MUC12: variants seen among roughly 807,000 people sequenced by gnomAD.
The protein encoded by MUC12 is mucin 12, cell surface associated, also known as mucin-12.
A neutral mutation model predicts 230.8 loss-of-function variants in MUC12; 172 were observed. The ratio of observed to expected loss-of-function variants is 0.75; its 90% CI spans 0.66 to 0.85. The LOEUF (loss-of-function observed/expected upper bound fraction) is 0.85, where lower values mean the gene tolerates loss of function less well. Ranked by LOEUF, MUC12 falls within the 40% of genes least tolerant of loss-of-function variation. The probability of loss-of-function intolerance (pLI) is 0.00; values close to 1 mark genes in which losing one functional copy is unlikely to be tolerated. For synonymous variants in MUC12, 1,259 were observed against 2,401.9 expected, an observed-to-expected ratio of 0.52 and a Z score of 13.91; for missense variants, 3,506 against 5,920.6, an observed-to-expected ratio of 0.59 and a Z score of 13.38.
At chr7:100,981,910 A>G (rs1248409404) in intron 1 of MUC12, among the ~76,000 whole-genome samples, 1 of 136,516 alleles carries the variant, frequency 7.3e-6, no homozygotes, top group Non-Finnish European at 1.5e-5. Context: ...TTTATTGTCC[A>G]GACTGGAGTG....
intron 1 of MUC12, among the ~76,000 whole-genome samples, chr7:100,975,203 C>A (rs956276655): frequency 1.3e-5 from 2 of 152,304 alleles, no homozygotes; most frequent in Non-Finnish European, 2.9e-5. Context: ...ATGACTGGAA[C>A]CACTATCCTG....
intron 1 of MUC12, among the ~76,000 whole-genome samples, chr7:100,975,413 A>G (rs1793011381): frequency 6.6e-6 from 1 of 152,312 alleles, no homozygotes; most frequent in African/African-American, 2.4e-5. Context: ...GGAGGTGAGA[A>G]CAGATTGCTT....
intron 1 of MUC12, among the ~76,000 whole-genome samples, chr7:100,976,894 T>C (rs892329524): frequency 6.6e-6 from 1 of 150,920 alleles, no homozygotes. Flanking sequence ...CTACTAAAAG[T>C]ACAAAAATTA....
intron 1 of MUC12, among the ~76,000 whole-genome samples, chr7:100,977,946 T>C (rs764234629): frequency 6.6e-6 from 1 of 152,154 alleles, no homozygotes; most frequent in Non-Finnish European, 1.5e-5. Context: ...TCATCGTCTT[T>C]GGGCATCTTT....
At chr7:101,006,381 C>T (rs569089341) in intron 2 of MUC12, 90 bp from the exon 3 acceptor site, 60 of 844,422 alleles carry the variant, frequency 7.1e-5, no homozygotes, top group South Asian at 3.1e-4. Flanking sequence ...CTCTCCAGTG[C>T]GATGCTGAGT....
chr7:100,990,783 A>G lies in MUC12; in HGVS notation c.220A>G (p.Asn74Asp), dbSNP rs771954732. The G allele has an allele frequency of 1.3e-6, 2 of 1,537,836 alleles. No homozygotes were observed. Among genetic ancestry groups the G allele is most frequent in the Middle Eastern group, 3.3e-4 (2 of 5,994 alleles). ...ATKHFLDSST[N>D]SGHSEESTVS... ...AAAACACTTCCTTGACAGCTCCACA[A>G]ACTCAGGCCACAGTGAGGAATCAAC... Residue 74 changes from asparagine to aspartate, a missense_variant, in exon 2 of 12, where the codon AAC (asparagine) becomes GAC (aspartate). Coordinates refer to ENST00000536621, the MANE Select transcript of MUC12 (RefSeq NM_001164462.2).
chr7:101,004,873 T>C lies in MUC12; in HGVS notation c.14310T>C (p.Tyr4770=), dbSNP rs1270986771. 6.5e-7 allele frequency: 1 copy of C among 1,536,576 alleles called. No homozygotes were observed. Among genetic ancestry groups the C allele is most frequent in the Non-Finnish European group, 8.7e-7 (1 of 1,146,450 alleles). ...SSISGEPTSL[Y]SQAESTHTTA... ...TCAGTGGAGAACCCACCAGCTTGTATAGCCAAGCAGAGTCAACACACACAA... is the reference window on the plus strand; with the variant it reads ...TCAGTGGAGAACCCACCAGCTTGTACAGCCAAGCAGAGTCAACACACACAA... The change falls in exon 2 of 12, where the codon TAT becomes TAC. Residue 4770 remains tyrosine, a synonymous_variant. Transcript: ENST00000536621.
intron 5 of MUC12, among the ~76,000 whole-genome samples, chr7:101,011,274 AT>A (rs968062908): frequency 1.3e-5 from 2 of 151,646 alleles, no homozygotes; most frequent in East Asian, 1.9e-4. Context: ...TTGGCTCAGG[AT>A]TTTTTTTGTC....
intron 1 of MUC12, among the ~76,000 whole-genome samples, chr7:100,975,501 C>T (rs1793013115): frequency 6.6e-6 from 1 of 152,308 alleles, no homozygotes; most frequent in Non-Finnish European, 1.5e-5. Context: ...CAGTTTTATA[C>T]AAAGAGTAAT....
chr7:101,013,786 G>A, intron 8 of MUC12, 127 bp from the exon 9 acceptor site: 1 of 1,154,332 alleles, frequency 8.7e-7, no homozygotes, highest in Non-Finnish European at 1.2e-6. Flanking sequence ...AGGCTCTCTG[G>A]GGGCTGAGCT....
At position 100,991,162 on chromosome 7, in the gene MUC12, C is replaced by T; in HGVS notation, c.599C>T (p.Pro200Leu). 3 of 1,537,650 alleles carry T rather than the reference C, an allele frequency of 2.0e-6. No individual in the cohort carries two copies. Among genetic ancestry groups the T allele is most frequent in the South Asian group, 1.2e-5 (1 of 84,042 alleles). Residue 200 changes from proline to leucine, a missense_variant, in exon 2 of 12, where the codon CCC becomes CTC. By Grantham distance (98) the Pro-to-Leu change is moderately conservative. Coordinates refer to ENST00000536621, the MANE Select transcript of MUC12 (RefSeq NM_001164462.2). ...SQESTASHSI[P>L]GSTDTTLSPG... The stretch of plus-strand genomic sequence containing the variant: ...GAATCTACAGCTTCCCACAGCATCC[C>T]CGGCTCCACAGACACAACACTGTCC...
At chr7:100,972,311 C>T (rs1393153523) in intron 1 of MUC12, among the ~76,000 whole-genome samples, 1 of 152,134 alleles carries the variant, frequency 6.6e-6, no homozygotes, top group Non-Finnish European at 1.5e-5. Context: ...CTGCGCCCCT[C>T]CTCCCCTCTA....
Position 101,012,325 on chromosome 7 carries a change from T to C in MUC12, c.15281T>C (p.Val5094Ala). 1 of 1,537,326 alleles carries C rather than the reference T, an allele frequency of 6.5e-7. No homozygotes were observed. Among genetic ancestry groups the C allele is most frequent in the East Asian group, 2.4e-5 (1 of 40,910 alleles). Residue 5094 changes from valine to alanine, a missense_variant, in exon 6 of 12, where the codon GTC becomes GCC. By Grantham distance (64) the Val-to-Ala change is moderately conservative. Coordinates refer to ENST00000536621, the MANE Select transcript of MUC12 (RefSeq NM_001164462.2). ...LNGSIVVKND[V>A]ILEADYTLEY... The stretch of plus-strand genomic sequence containing the variant: ...GGTAGCATCGTGGTCAAGAACGATG[T>C]CATCCTGGAGGCAGACTACACTTTA...
At chr7:100,972,761 C>T in intron 1 of MUC12, 1 of 662,682 alleles carries the variant, frequency 1.5e-6, no homozygotes, top group Non-Finnish European at 2.7e-6. Context: ...TCAGCTCGAA[C>T]TCCCAAAGTG....
intron 1 of MUC12, among the ~76,000 whole-genome samples, chr7:100,982,482 G>A (rs1793124318): frequency 6.6e-6 from 1 of 151,146 alleles, no homozygotes; most frequent in African/African-American, 2.4e-5. Flanking sequence ...TGTTGCCCAG[G>A]CTGGAGTGCA....
rs372959219 is a variant in MUC12, at chr7:100,990,757, C to A, written c.194C>A (p.Thr65Lys). ...ACATTTATCACGGGCTCAACTGCAACAAAACACTTCCTTGACAGCTCCACA... is the reference window on the plus strand; with the variant it reads ...ACATTTATCACGGGCTCAACTGCAAAAAAACACTTCCTTGACAGCTCCACA... ...SVTFITGSTA[T>K]KHFLDSSTNS... The change falls in exon 2 of 12, where the codon ACA becomes AAA. Residue 65 changes from threonine (T) to lysine (K), a missense_variant. Transcript: ENST00000536621. 2.0e-6 allele frequency: 3 copies of A among 1,537,754 alleles called. No individual in the cohort carries two copies. The highest frequency in any genetic ancestry group is 2.7e-5 in the African/African-American group (2 of 73,020).
Position 101,012,837 on chromosome 7 carries a change from G to A in MUC12, c.15422G>A (p.Ser5141Asn), listed in dbSNP as rs1162430520. 4.6e-6 allele frequency: 7 copies of A among 1,537,266 alleles called. No individual in the cohort carries two copies. The highest frequency in any genetic ancestry group is 5.2e-6 in the Non-Finnish European group (6 of 1,146,910). ...TCGGCAGAGGCCATACTGTGCTATA[G>A]TGAAGAGGACACTTTCGTGGATTCA... ...DSCRKAILCY[S>N]EEDTFVDSSV... The change falls in exon 7 of 12, where the codon AGT becomes AAT. Residue 5141 changes from serine to asparagine, a missense_variant. By Grantham distance (46) the Ser-to-Asn change is conservative (BLOSUM62 1). Coordinates refer to ENST00000536621, the MANE Select transcript of MUC12 (RefSeq NM_001164462.2).
At chr7:101,015,733 G>A in intron 10 of MUC12, 42 bp downstream of exon 10, 1 of 1,508,112 alleles carries the variant, frequency 6.6e-7, no homozygotes. Flanking sequence ...GAGCTGGAGG[G>A]TGAAGAAAGG....
chr7:100,981,336 C>T, intron 1 of MUC12: 3 of 578,162 alleles, frequency 5.2e-6, no homozygotes, highest in Non-Finnish European at 9.2e-6. Flanking sequence ...TGAATCTCTT[C>T]ACCCAGAGCA....
Sources: gnomAD v4.1 joint callset for allele counts (sites outside exome capture counted in the v4.1 genomes callset) on GRCh38, gnomAD v4.1.1 for gene constraint, MANE v1.5 for transcripts, NCBI Gene and HGNC (gene_info 2026-07-23, HGNC 2026-07-21) for gene names.